PBRM1: variants seen among roughly 807,000 people sequenced by gnomAD.
PBRM1 encodes the protein protein polybromo-1.
Under a neutral mutation model 194.5 loss-of-function variants are expected in PBRM1, and 27 were observed. That is an observed-to-expected ratio of 0.14 (90% confidence interval 0.10 to 0.19). The LOEUF (loss-of-function observed/expected upper bound fraction) is 0.19. Among genes scored for constraint, PBRM1 ranks in the 10% least tolerant of loss-of-function variants. The pLI is 1.00. For synonymous variants in PBRM1, 655 were observed against 693.2 expected (o/e 0.94, Z 0.87); for missense variants, 1,466 against 2,077.2 (o/e 0.71, Z 5.72).
chr3:52,651,789 T>C, exon 6 of PBRM1: 3 of 1,604,740 alleles, frequency 1.9e-6, no homozygotes, highest in Non-Finnish European at 2.6e-6. Context: ...TCCTTAATTA[T>C]TGCATAATAA....
At chr3:52,643,408 A>AAC in intron 8 of PBRM1, 65 bp from the exon 10 acceptor site, 4 of 953,810 alleles carry the variant, frequency 4.2e-6, no homozygotes, top group Non-Finnish European at 6.9e-6. Flanking sequence ...TGGGTAAACA[A>AAC]ACACACACAC....
Position 52,576,093 on chromosome 3 carries a change from G to C in PBRM1, c.3691+448C>G, listed in dbSNP as rs144592846. Among the ~76,000 whole-genome samples, 504 of 152,152 alleles carry C rather than the reference G, an allele frequency of 3.3e-3. 3 individuals carry two copies. Among genetic ancestry groups the C allele is most frequent in the Non-Finnish European group, 3.3e-3 (225 of 68,014 alleles). On this transcript the variant is annotated intron_variant, in intron 22 of 29. Transcript: ENST00000296302. Reference sequence around the variant, plus strand: ...AATGAAGAGTCTGAGAGACCTGTGAGGCACCATTAAATGTACCAACGTTAA... The same window carrying C: ...AATGAAGAGTCTGAGAGACCTGTGACGCACCATTAAATGTACCAACGTTAA...
chr3:52,612,939 T>C (rs981386713), intron 15 of PBRM1, among the ~76,000 whole-genome samples: 2 of 150,372 alleles, frequency 1.3e-5, no homozygotes, highest in Non-Finnish European at 3.0e-5. Flanking sequence ...AATAATCAAA[T>C]TTATTATATA....
exon 29 of PBRM1, chr3:52,550,603 G>A (rs2153378594): frequency 6.5e-7 from 1 of 1,531,726 alleles, no homozygotes; most frequent in Non-Finnish European, 8.8e-7. Flanking sequence ...ATATGGAGGT[G>A]GTGCCTGCTG....
intron 17 of PBRM1, among the ~76,000 whole-genome samples, chr3:52,591,895 C>A (rs1338331819): frequency 1.4e-5 from 2 of 140,782 alleles, no homozygotes; most frequent in Non-Finnish European, 3.1e-5. Flanking sequence ...GGCGCCATCT[C>A]GGCTCACTGC....
intron 13 of PBRM1, among the ~76,000 whole-genome samples, chr3:52,620,682 A>C (rs1275166829): frequency 6.6e-6 from 1 of 152,218 alleles, no homozygotes; most frequent in East Asian, 1.9e-4. Context: ...GCTTTGAGTG[A>C]GACATACCCA....
At chr3:52,667,689 G>A (rs1363177889) in intron 3 of PBRM1, among the ~76,000 whole-genome samples, 4 of 149,680 alleles carry the variant, frequency 2.7e-5, no homozygotes, top group African/African-American at 1.0e-4. Context: ...GGAAGAAGAG[G>A]TTGCAGTGAG....
At chr3:52,607,013 G>A (rs536926367) in intron 16 of PBRM1, among the ~76,000 whole-genome samples, 3 of 152,212 alleles carry the variant, frequency 2.0e-5, no homozygotes, top group Non-Finnish European at 4.4e-5. Context: ...TAGGGGTAGG[G>A]GTAAATGGTG....
intron 10 of PBRM1, among the ~76,000 whole-genome samples, chr3:52,636,755 TC>T (rs1208569825): frequency 9.4e-5 from 2 of 21,220 alleles, no homozygotes; most frequent in Non-Finnish European, 1.6e-4. Context: ...AAACTCTGTC[TC>T]CAAAAAAAAA....
chr3:52,616,676 G>C lies in PBRM1; in HGVS notation c.1818+586C>G, dbSNP rs1367591005. Among the ~76,000 whole-genome samples, 3 of 152,216 alleles carry C rather than the reference G, an allele frequency of 2.0e-5. No individual in the cohort carries two copies. In the East Asian group the frequency reaches 5.8e-4, roughly 29 times the overall value. ...CCACTGCACTCCAGCCTGGGCGACA[G>C]AGCGAGACTCCGTCTCAAAAAAAAA... On this transcript the variant is annotated intron_variant, in intron 14 of 29. Coordinates refer to ENST00000296302, the Ensembl canonical transcript of PBRM1.
intron 5 of PBRM1, 62 bp downstream of exon 6, chr3:52,658,137 C>T: frequency 4.9e-6 from 4 of 811,112 alleles, no homozygotes; most frequent in Non-Finnish European, 8.7e-6. Context: ...GTAATTAATA[C>T]AATTCTTGAA....
At chr3:52,618,157 C>CTTTTT (rs1048459892) in intron 13 of PBRM1, among the ~76,000 whole-genome samples, 91 of 152,322 alleles carry the variant, frequency 6.0e-4, no homozygotes, top group African/African-American at 2.1e-3. Context: ...TTCCAACCTA[C>CTTTTT]TTTAAAGAAT....
At chr3:52,604,003 G>A (rs2094174127) in intron 16 of PBRM1, among the ~76,000 whole-genome samples, 1 of 152,174 alleles carries the variant, frequency 6.6e-6, no homozygotes, top group African/African-American at 2.4e-5. Flanking sequence ...TTCTCTTGGA[G>A]ATATATGGCA....
intron 12 of PBRM1, among the ~76,000 whole-genome samples, chr3:52,627,806 A>G (rs2095492000): frequency 6.6e-6 from 1 of 152,246 alleles, no homozygotes; most frequent in African/African-American, 2.4e-5. Flanking sequence ...GCATTTTTAA[A>G]GGCCTTCTGC....
intron 13 of PBRM1, among the ~76,000 whole-genome samples, chr3:52,622,897 T>C (rs1283327064): frequency 6.6e-6 from 1 of 152,230 alleles, no homozygotes; most frequent in Non-Finnish European, 1.5e-5. Context: ...ACAATTCTTA[T>C]ATACAGTTGT....
intron 3 of PBRM1, among the ~76,000 whole-genome samples, chr3:52,665,302 A>C (rs1433856772): frequency 6.6e-6 from 1 of 151,636 alleles, no homozygotes; most frequent in African/African-American, 2.4e-5. Context: ...CTACTGGTGC[A>C]CGTCACCATG....
At chr3:52,598,171 T>A (rs1226903442) in intron 17 of PBRM1, among the ~76,000 whole-genome samples, 1 of 152,220 alleles carries the variant, frequency 6.6e-6, no homozygotes, top group East Asian at 1.9e-4. Flanking sequence ...ACATTATTAG[T>A]TTTTTAATAA....
chr3:52,575,131 G>T (rs908626900), intron 22 of PBRM1, among the ~76,000 whole-genome samples: 1 of 152,022 alleles, frequency 6.6e-6, no homozygotes, highest in Non-Finnish European at 1.5e-5. Flanking sequence ...TCGAACTCCT[G>T]GGCTCAAGCG....
chr3:52,598,912 C>T (rs1474959378), intron 17 of PBRM1, among the ~76,000 whole-genome samples: 1 of 151,522 alleles, frequency 6.6e-6, no homozygotes, highest in Admixed American at 6.6e-5. Flanking sequence ...ATCCCAGCTA[C>T]TCAGGAGGCT....
Sources: gnomAD v4.1 joint callset for allele counts (sites outside exome capture counted in the v4.1 genomes callset) on GRCh38, gnomAD v4.1.1 for gene constraint, MANE v1.5 for transcripts, NCBI Gene and HGNC (gene_info 2026-07-23, HGNC 2026-07-21) for gene names.